Variants in CSMD1 observed in about 807,000 individuals in gnomAD.
CSMD1 encodes CUB and Sushi multiple domains 1, also known as CUB and sushi domain-containing protein 1.
CSMD1 carries 213 observed loss-of-function variants against 417.5 expected under a neutral mutation model. That is an observed-to-expected ratio of 0.51 (90% CI 0.46 to 0.57). The LOEUF (loss-of-function observed/expected upper bound fraction) is 0.57, where lower values mean the gene tolerates loss of function less well. Ranked by LOEUF, CSMD1 falls within the 20% of genes least tolerant of loss-of-function variation. The probability of loss-of-function intolerance (pLI) is 0.00; values close to 1 mark genes in which losing one functional copy is unlikely to be tolerated. For missense variants in CSMD1, 6,923 were observed against 4,529.7 expected, an observed-to-expected ratio of 1.53 and a Z score of -15.17; for synonymous variants, 2,862 against 1,736.8, an observed-to-expected ratio of 1.65 and a Z score of -16.11.
At chr8:3,965,410 T>C (rs1156684738) in intron 5 of CSMD1, among the ~76,000 whole-genome samples, 3 of 152,120 alleles carry the variant, frequency 2.0e-5, no homozygotes, top group African/African-American at 7.2e-5. Context: ...AGAGACATGG[T>C]TTTCGTGATG....
chr8:3,814,559 G>C (rs1239037899), intron 5 of CSMD1, among the ~76,000 whole-genome samples: 2 of 152,158 alleles, frequency 1.3e-5, no homozygotes, highest in Non-Finnish European at 2.9e-5. Flanking sequence ...TGATATCAGG[G>C]TGGATACCAC....
rs975010765 is a variant in CSMD1 at position 4,700,637 on chromosome 8, CA to C, written c.86-63080del. ...CAGAAACAACTGACTCAATCTATCA[CA>C]AAAAATGAAAGTAACTGGACACATA... On this transcript the variant is annotated intron_variant, in intron 1 of 69. Transcript: ENST00000635120. 1.5e-3 allele frequency among the ~76,000 whole-genome samples: 228 copies of C among 152,054 alleles called. 1 individual carries two copies. The highest frequency in any genetic ancestry group is 5.4e-3 in the African/African-American group (224 of 41,484).
intron 27 of CSMD1, among the ~76,000 whole-genome samples, chr8:3,224,536 T>C (rs565511381): frequency 1.3e-5 from 2 of 152,294 alleles, no homozygotes; most frequent in African/African-American, 4.8e-5. Flanking sequence ...ACCCCAAAAG[T>C]TTAAGTGAGC....
chr8:3,353,041 C>A (rs1563302129), intron 21 of CSMD1, among the ~76,000 whole-genome samples: 1 of 152,074 alleles, frequency 6.6e-6, no homozygotes, highest in African/African-American at 2.4e-5. Flanking sequence ...TGATTTGAAC[C>A]CCAGGCAATC....
intron 1 of CSMD1, among the ~76,000 whole-genome samples, chr8:4,990,065 C>T (rs559645314): frequency 1.3e-5 from 2 of 152,302 alleles, no homozygotes; most frequent in Non-Finnish European, 2.9e-5. Flanking sequence ...AGGCCTCTGC[C>T]AGTGAGATGC....
At chr8:4,091,249 T>A (rs1319903281) in intron 3 of CSMD1, among the ~76,000 whole-genome samples, 1 of 152,106 alleles carries the variant, frequency 6.6e-6, no homozygotes, top group Non-Finnish European at 1.5e-5. Flanking sequence ...ATAATGAGGA[T>A]GCAAATTAGA....
intron 3 of CSMD1, among the ~76,000 whole-genome samples, chr8:4,322,856 G>A (rs941825533): frequency 3.3e-5 from 5 of 152,104 alleles, no homozygotes; most frequent in Admixed American, 6.6e-5. Context: ...AATTAGCCAG[G>A]CTTTTGTAGT....
Position 3,989,810 on chromosome 8 carries a change from C to G in CSMD1, c.818+8093G>C, listed in dbSNP as rs558064357. 1.4e-3 allele frequency among the ~76,000 whole-genome samples: 210 copies of G among 152,262 alleles called. 2 individuals are homozygous for G. Among genetic ancestry groups the G allele is most frequent in the Non-Finnish European group, 1.4e-3 (94 of 68,022 alleles). On this transcript the variant is annotated intron_variant, in intron 5 of 69. Transcript: ENST00000635120. ...ATTAAGCTTGGATAGCACGTGCCAA[C>G]AGGAAGTAACCCAAGCAACAAAATG...
At chr8:3,935,735 C>T (rs570004665) in intron 5 of CSMD1, among the ~76,000 whole-genome samples, 4 of 152,086 alleles carry the variant, frequency 2.6e-5, no homozygotes, top group Admixed American at 6.6e-5. Context: ...CTTCATTGGG[C>T]CTCGCTATTC....
chr8:4,651,939 G>T (rs1482990028), intron 1 of CSMD1, among the ~76,000 whole-genome samples: 3 of 152,084 alleles, frequency 2.0e-5, no homozygotes, highest in Non-Finnish European at 4.4e-5. Context: ...GACCTGATAG[G>T]GAGAACTTTA....
At chr8:4,555,989 G>A (rs1200015502) in intron 2 of CSMD1, among the ~76,000 whole-genome samples, 2 of 151,962 alleles carry the variant, frequency 1.3e-5, no homozygotes, top group African/African-American at 2.4e-5. Flanking sequence ...TTGATTTTCT[G>A]TAAGTATATT....
chr8:3,646,720 T>G (rs1437407029), intron 7 of CSMD1, among the ~76,000 whole-genome samples: 1 of 152,156 alleles, frequency 6.6e-6, no homozygotes, highest in African/African-American at 2.4e-5. Flanking sequence ...GCTTTCGACC[T>G]GGCTCCGGTG....
intron 25 of CSMD1, among the ~76,000 whole-genome samples, chr8:3,294,554 T>A (rs1803821143): frequency 8.9e-6 from 1 of 111,834 alleles, no homozygotes; most frequent in Non-Finnish European, 2.3e-5. Context: ...GCTGCAGCCT[T>A]GCAGTTTGAT....
At chr8:3,581,591 G>A (rs1317314574) in intron 9 of CSMD1, among the ~76,000 whole-genome samples, 2 of 152,124 alleles carry the variant, frequency 1.3e-5, no homozygotes, top group Non-Finnish European at 2.9e-5. Flanking sequence ...GTCCCTTCAT[G>A]AAAATAGGAA....
intron 3 of CSMD1, among the ~76,000 whole-genome samples, chr8:4,366,755 C>A (rs1323181614): frequency 6.6e-6 from 1 of 152,008 alleles, no homozygotes; most frequent in South Asian, 2.1e-4. Flanking sequence ...ATGTGAACAA[C>A]GTGCACGTTA....
At chr8:4,152,831 AATGT>A (rs1336223546) in intron 3 of CSMD1, among the ~76,000 whole-genome samples, 1 of 152,260 alleles carries the variant, frequency 6.6e-6, no homozygotes, top group South Asian at 2.1e-4. Flanking sequence ...GAGAGTAGGG[AATGT>A]ATGTATGTGC....
chr8:4,115,877 G>T (rs1472310301), intron 3 of CSMD1, among the ~76,000 whole-genome samples: 3 of 152,068 alleles, frequency 2.0e-5, no homozygotes, highest in African/African-American at 4.8e-5. Flanking sequence ...GACATTCTGG[G>T]AAAACAGGAA....
chr8:3,777,945 TTCCCACTCCAGACCTGCAGC>T (rs2129061663), intron 5 of CSMD1, among the ~76,000 whole-genome samples: 1 of 150,948 alleles, frequency 6.6e-6, no homozygotes, highest in East Asian at 2.0e-4. Context: ...AGAGTCTCAG[TTCCCACTCCAGACCTGCAGC>T]CTCCTTGAAG....
At chr8:3,419,129 C>A (rs984147106) in intron 12 of CSMD1, among the ~76,000 whole-genome samples, 1 of 152,166 alleles carries the variant, frequency 6.6e-6, no homozygotes, top group African/African-American at 2.4e-5. Context: ...CTCAATGACG[C>A]AAGCTGCGCT....
Sources: gnomAD v4.1 joint callset for allele counts (sites outside exome capture counted in the v4.1 genomes callset) on GRCh38, gnomAD v4.1.1 for gene constraint, MANE v1.5 for transcripts, NCBI Gene and HGNC (gene_info 2026-07-23, HGNC 2026-07-21) for gene names.